The following ELMO1 variants were observed in gnomAD, a reference collection of about 807,000 sequenced individuals.
The protein encoded by ELMO1 is engulfment and cell motility 1, also known as engulfment and cell motility protein 1.
A neutral mutation model predicts 98.9 loss-of-function variants in ELMO1; 26 were observed. The ratio of observed to expected loss-of-function variants is 0.26; its 90% CI spans 0.19 to 0.36. The LOEUF is 0.36. Ranked by LOEUF, ELMO1 falls within the 10% of genes least tolerant of loss-of-function variation. The probability of loss-of-function intolerance (pLI) is 1.00; values close to 1 mark genes in which losing one functional copy is unlikely to be tolerated. For synonymous variants in ELMO1, 346 were observed against 346.0 expected (o/e 1.00, Z 0.00); for missense variants, 627 against 935.2 (o/e 0.67, Z 4.30).
chr7:37,378,316 C>G (rs1383386552), intron 1 of ELMO1, among the ~76,000 whole-genome samples: 1 of 152,172 alleles, frequency 6.6e-6, no homozygotes, highest in African/African-American at 2.4e-5. Flanking sequence ...GATAAAGCTC[C>G]CCGTTCTCTC....
At chr7:36,988,769 T>G (rs770421833) in intron 16 of ELMO1, among the ~76,000 whole-genome samples, 4 of 152,218 alleles carry the variant, frequency 2.6e-5, no homozygotes, top group Non-Finnish European at 5.9e-5. Flanking sequence ...CAAATGTGAA[T>G]GGATCACAGT....
At chr7:37,181,798 C>T (rs114630090) in intron 13 of ELMO1, among the ~76,000 whole-genome samples, 29 of 152,244 alleles carry the variant, frequency 1.9e-4, no homozygotes, top group African/African-American at 6.7e-4. Flanking sequence ...GAACAATGGC[C>T]TCTGATTACT....
intron 15 of ELMO1, among the ~76,000 whole-genome samples, chr7:37,070,285 C>A (rs1350418942): frequency 6.6e-6 from 1 of 152,160 alleles, no homozygotes; most frequent in African/African-American, 2.4e-5. Flanking sequence ...TGGCTCTTCA[C>A]AAGCCTTCCA....
chr7:36,919,329 G>A (rs1368946190), intron 16 of ELMO1: 1 of 527,182 alleles, frequency 1.9e-6, no homozygotes, highest in East Asian at 5.5e-5. Flanking sequence ...ACACTGCTCA[G>A]ATGCTGGCTG....
chr7:37,288,142 T>A (rs1187120970), intron 4 of ELMO1, among the ~76,000 whole-genome samples: 1 of 152,002 alleles, frequency 6.6e-6, no homozygotes, highest in Admixed American at 6.6e-5. Flanking sequence ...GTATTTTTGG[T>A]AGAGACAGGG....
intron 1 of ELMO1, among the ~76,000 whole-genome samples, chr7:37,416,252 C>T (rs1211604369): frequency 6.6e-6 from 1 of 152,190 alleles, no homozygotes; most frequent in African/African-American, 2.4e-5. Flanking sequence ...ACGAAGTTCA[C>T]AAAGACGAAG....
chr7:37,127,645 C>T (rs370002058), intron 14 of ELMO1, among the ~76,000 whole-genome samples: 2 of 152,188 alleles, frequency 1.3e-5, no homozygotes, highest in Non-Finnish European at 2.9e-5. Context: ...TCTGGCCAAA[C>T]GGGAAGGTGA....
chr7:37,320,673 A>C (rs1315388212), intron 2 of ELMO1, among the ~76,000 whole-genome samples: 1 of 152,188 alleles, frequency 6.6e-6, no homozygotes, highest in Non-Finnish European at 1.5e-5. Context: ...CCTTGAGAAC[A>C]AGGCATCTTA....
chr7:37,085,273 A>G (rs1024089645), intron 15 of ELMO1, among the ~76,000 whole-genome samples: 3 of 152,304 alleles, frequency 2.0e-5, no homozygotes, highest in African/African-American at 7.2e-5. Flanking sequence ...CACTGTAGGA[A>G]GCCACAGTGT....
At chr7:36,949,119 C>A (rs1156698648) in intron 16 of ELMO1, among the ~76,000 whole-genome samples, 3 of 152,080 alleles carry the variant, frequency 2.0e-5, no homozygotes, top group African/African-American at 7.2e-5. Context: ...GCCTCCCAAA[C>A]TGCTGGCATT....
At chr7:37,163,750 G>C (rs2129331997) in intron 13 of ELMO1, among the ~76,000 whole-genome samples, 1 of 152,270 alleles carries the variant, frequency 6.6e-6, no homozygotes, top group East Asian at 1.9e-4. Flanking sequence ...TTGGACATTT[G>C]GGTTGGTTCC....
chr7:37,061,551 T>C (rs879479425), intron 15 of ELMO1, among the ~76,000 whole-genome samples: 2 of 152,058 alleles, frequency 1.3e-5, no homozygotes, highest in Admixed American at 6.6e-5. Context: ...GGCCACCATA[T>C]ACAAAACAGA....
chr7:37,339,864 TATG>T (rs71844913), intron 2 of ELMO1, among the ~76,000 whole-genome samples: 29,724 of 152,000 alleles, frequency 0.2, 3,360 homozygotes, highest in East Asian at 0.44. Context: ...TACCTCTTGA[TATG>T]ATGAGCCAAA....
At chr7:37,004,252 A>G (rs921674989) in intron 16 of ELMO1, among the ~76,000 whole-genome samples, 3 of 152,204 alleles carry the variant, frequency 2.0e-5, no homozygotes, top group African/African-American at 7.2e-5. Context: ...GGTTTCTGTG[A>G]CATTATCAAA....
rs144098315 is a variant in ELMO1, at chr7:37,176,245, A to G, written c.1086+35141T>C. Among the ~76,000 whole-genome samples the G allele has an allele frequency of 7.2e-5, 11 of 152,316 alleles. No individual in the cohort carries two copies. The East Asian group carries it at 1.9e-3, about 27-fold the overall frequency. On this transcript the variant is annotated intron_variant, in intron 13 of 21. Coordinates refer to ENST00000310758, the MANE Select transcript of ELMO1 (RefSeq NM_014800.11). The stretch of plus-strand genomic sequence containing the variant: ...ATACTTTCACTGTCATTTCCTAGAA[A>G]AGCTTCCTCAGAATCCTAACAATAC...
At chr7:37,227,343 C>T (rs1294406576) in intron 8 of ELMO1, among the ~76,000 whole-genome samples, 2 of 152,110 alleles carry the variant, frequency 1.3e-5, no homozygotes, top group African/African-American at 4.8e-5. Flanking sequence ...ACAATATTTC[C>T]TTTCTTGAAA....
chr7:37,112,860 T>A (rs1215512051), intron 14 of ELMO1, among the ~76,000 whole-genome samples: 1 of 152,206 alleles, frequency 6.6e-6, no homozygotes, highest in Non-Finnish European at 1.5e-5. Context: ...TATTTTTAAC[T>A]AATACAAAGG....
At position 37,003,351 on chromosome 7, in the gene ELMO1, C is replaced by T. The variant is rs140763144; in HGVS notation, c.1437+9948G>A. On this transcript the variant is annotated intron_variant, in intron 16 of 21. Coordinates refer to ENST00000310758, the MANE Select transcript of ELMO1 (RefSeq NM_014800.11). ...GAGCATGGGCAACATAATGAGACAA[C>T]GTCTCAAATACAAGAAAGAAAAGAA... Among the ~76,000 whole-genome samples the T allele has an allele frequency of 9.0e-3, 1,371 of 152,156 alleles. 13 individuals are homozygous for T. The highest frequency in any genetic ancestry group is 0.028 in the South Asian group (136 of 4,818).
At chr7:37,164,909 A>G (rs1563048932) in intron 13 of ELMO1, among the ~76,000 whole-genome samples, 1 of 151,566 alleles carries the variant, frequency 6.6e-6, no homozygotes, top group Admixed American at 6.6e-5. Context: ...ATGGCATTGA[A>G]TCTATAAATT....
Sources: allele counts gnomAD v4.1 joint callset (sites outside exome capture counted in the v4.1 genomes callset), GRCh38; gene constraint gnomAD v4.1.1; transcripts MANE v1.5; gene names NCBI Gene and HGNC (gene_info 2026-07-23, HGNC 2026-07-21).